The following PRAF2 variants were observed in gnomAD, a reference collection of about 807,000 sequenced individuals.
The protein encoded by PRAF2 is PRA1 family protein 2.
Under a neutral mutation model 9.7 loss-of-function variants are expected in PRAF2, and 5 were observed. The ratio of observed to expected loss-of-function variants is 0.51; its 90% CI spans 0.27 to 1.08. The LOEUF is 1.08. PRAF2 is among the 50% of genes least tolerant of loss of function. PRAF2 has a pLI of 0.12. For synonymous variants in PRAF2, 61 were observed against 76.6 expected, an observed-to-expected ratio of 0.80 and a Z score of 1.06; for missense variants, 135 against 160.7, an observed-to-expected ratio of 0.84 and a Z score of 0.86.
chrX:49,072,152 G>T, intron 2 of PRAF2, 144 bp from the exon 3 acceptor site: 2 of 823,403 alleles, frequency 2.4e-6, no homozygotes, highest in Non-Finnish European at 1.7e-6. Flanking sequence ...GCGTGGCCGA[G>T]TAATTGGCTT....
chrX:49,072,517 C>T lies in PRAF2; in HGVS notation c.313G>A (p.Ala105Thr). Residue 105 changes from alanine (A) to threonine (T), a missense_variant, in exon 2 of 3, where the codon GCA becomes ACA. Transcript: ENST00000553851. Reference sequence around the variant, plus strand: ...ACCAGGAGGCCGACGGCAAGCACTGCGGCCAGGCAGGCTGCAGGGTGGCTG... The same window carrying T: ...ACCAGGAGGCCGACGGCAAGCACTGTGGCCAGGCAGGCTGCAGGGTGGCTG... ...RRSHPAACLAAVLAVGLLVLW... is the reference protein window; with the variant it reads ...RRSHPAACLATVLAVGLLVLW... 1 of 1,184,178 alleles carries T rather than the reference C, an allele frequency of 8.4e-7. No individual in the cohort carries two copies. Among genetic ancestry groups the T allele is most frequent in the Non-Finnish European group, 1.1e-6 (1 of 881,800 alleles).
chrX:49,072,361 G>A, intron 2 of PRAF2, 72 bp downstream of exon 2: 1 of 1,113,612 alleles, frequency 9.0e-7, no homozygotes, highest in Non-Finnish European at 1.2e-6. Flanking sequence ...CCCGGGGACC[G>A]GCAGGGCTGG....
At position 49,071,813 on chromosome X, in the gene PRAF2, T is replaced by C. The variant is rs782649024; in HGVS notation, c.*56A>G. 2,585 of 1,142,402 alleles carry C rather than the reference T, an allele frequency of 2.3e-3. 3 individuals are homozygous for C. Among genetic ancestry groups the C allele is most frequent in the Middle Eastern group, 9.3e-3 (29 of 3,131 alleles). The allele number at this position is 1,142,402 out of a possible 1,213,427, so 94.1% of individuals were successfully genotyped here. ...GCTGGGAAAGGGCTCTGGGTCCCAA[T>C]TATGGGCTGGGGGTGGGGTGGTATT... On this transcript the variant is annotated 3_prime_UTR_variant, in exon 3 of 3. Coordinates refer to ENST00000553851, the MANE Select transcript of PRAF2 (RefSeq NM_007213.3).
rs1557083294 is a variant in PRAF2, at chrX:49,072,483, A to C, written c.347T>G (p.Val116Gly). ...VLAVGLLVLW[V>G]AGGACTFLFS... is the part of the protein sequence containing the mutation. ...CAGGAAGGTGCAAGCGCCGCCCGCGACCCAGAGCACCAGGAGGCCGACGGC... is the reference window on the plus strand; with the variant it reads ...CAGGAAGGTGCAAGCGCCGCCCGCGCCCCAGAGCACCAGGAGGCCGACGGC... The change falls in exon 2 of 3, where the codon GTC becomes GGC. Residue 116 changes from valine to glycine, a missense_variant. Coordinates refer to ENST00000553851, the MANE Select transcript of PRAF2 (RefSeq NM_007213.3). 23 of 1,194,141 alleles carry C rather than the reference A, an allele frequency of 1.9e-5. No individual in the cohort carries two copies. The highest frequency in any genetic ancestry group is 2.6e-5 in the Non-Finnish European group (23 of 887,348).
Position 49,071,376 on chromosome X carries a change from G to A in PRAF2, c.*493C>T, listed in dbSNP as rs1338487541. On this transcript the variant is annotated 3_prime_UTR_variant, in exon 3 of 3. Coordinates refer to ENST00000553851, the MANE Select transcript of PRAF2 (RefSeq NM_007213.3). The stretch of plus-strand genomic sequence containing the variant: ...CAGGGGTCCAACAGTCAGGATACCC[G>A]ACTCCATCCACACAGGGGCATGGAA... The A allele has an allele frequency of 8.9e-6, 1 of 112,132 alleles. No homozygotes were observed. Among genetic ancestry groups the A allele is most frequent in the Non-Finnish European group, 1.9e-5 (1 of 53,388 alleles). The allele number at this position is 112,132 out of a possible 1,213,427, so 9.2% of individuals were successfully genotyped here.
chrX:49,072,005 A>C lies in PRAF2; in HGVS notation c.401T>G (p.Ile134Ser), dbSNP rs1557083186. ...CAGGCGCAACGAGGCGTGCACCAGGATCACTGTGGGCGGCACCGAGAGGGG... is the reference window on the plus strand; with the variant it reads ...CAGGCGCAACGAGGCGTGCACCAGGCTCACTGTGGGCGGCACCGAGAGGGG... ...LFSIAGPVLL[I>S]LVHASLRLRN... The change falls in exon 3 of 3, where the codon ATC becomes AGC. Residue 134 changes from isoleucine (I) to serine (S), a missense_variant. Coordinates refer to ENST00000553851, the MANE Select transcript of PRAF2 (RefSeq NM_007213.3). The C allele has an allele frequency of 3.3e-6, 4 of 1,206,140 alleles. No homozygotes were observed. The highest frequency in any genetic ancestry group is 2.2e-5 in the Admixed American group (1 of 45,455).
chrX:49,071,966 T>G lies in PRAF2; in HGVS notation c.440A>C (p.Asn147Thr). Residue 147 changes from asparagine (N) to threonine (T), a missense_variant, in exon 3 of 3, where the codon AAC becomes ACC. Coordinates refer to ENST00000553851, the MANE Select transcript of PRAF2 (RefSeq NM_007213.3). ...HASLRLRNLK[N>T]KIENKIESIG... Reference sequence around the variant, plus strand: ...GCTCTCGATCTTGTTCTCAATCTTGTTCTTAAGGTTGCGCAGGCGCAACGA... The same window carrying G: ...GCTCTCGATCTTGTTCTCAATCTTGGTCTTAAGGTTGCGCAGGCGCAACGA... 1 of 1,210,306 alleles carries G rather than the reference T, an allele frequency of 8.3e-7. No individual in the cohort carries two copies. Among genetic ancestry groups the G allele is most frequent in the South Asian group, 1.8e-5 (1 of 56,894 alleles).
rs2065021310 is a variant in PRAF2, at chrX:49,073,993, C to G, written c.-6G>C. On this transcript the variant is annotated 5_prime_UTR_variant, in exon 1 of 3. Transcript: ENST00000553851. Reference sequence around the variant, plus strand: ...GGCAGCCGCACCTCCGACATCCTGCCGGTTAATGTGGCTGGACCAGCCAGG... The same window carrying G: ...GGCAGCCGCACCTCCGACATCCTGCGGGTTAATGTGGCTGGACCAGCCAGG... 4.2e-6 allele frequency: 5 copies of G among 1,194,541 alleles called. No homozygotes were observed. Among genetic ancestry groups the G allele is most frequent in the Non-Finnish European group, 5.6e-6 (5 of 887,824 alleles).
rs35035067 is a variant in PRAF2 at position 49,073,895 on chromosome X, C to T, written c.93G>A (p.Gln31=). The part of the protein sequence containing the change: ...RLAAPDPCDP[Q]RWCHRVINNL... ...TGTTGATGACGCGGTGGCACCATCGCTGCGGGTCGCATGGATCCGGAGCCG... is the reference window on the plus strand; with the variant it reads ...TGTTGATGACGCGGTGGCACCATCGTTGCGGGTCGCATGGATCCGGAGCCG... The change falls in exon 1 of 3, where the codon CAG becomes CAA. Residue 31 remains glutamine, a synonymous_variant. Coordinates refer to ENST00000553851, the MANE Select transcript of PRAF2 (RefSeq NM_007213.3). 1 of 1,212,337 alleles carries T rather than the reference C, an allele frequency of 8.2e-7. No individual in the cohort carries two copies. The highest frequency in any genetic ancestry group is 1.1e-6 in the Non-Finnish European group (1 of 895,583).
In PRAF2 at chrX:49,072,024, A is replaced by T. The variant is rs1323789403; in HGVS notation, c.398-16T>A. On this transcript the variant is annotated splice_polypyrimidine_tract_variant and intron_variant, in intron 2 of 2. Coordinates refer to ENST00000553851, the MANE Select transcript of PRAF2 (RefSeq NM_007213.3). ...ACCAGGATCACTGTGGGCGGCACCG[A>T]GAGGGGTGGTCAGTGGAATAGACCT... The T allele has an allele frequency of 8.3e-7, 1 of 1,198,503 alleles. No homozygotes were observed. The highest frequency in any genetic ancestry group is 1.1e-6 in the Non-Finnish European group (1 of 891,380).
Position 49,073,816 on chromosome X carries a change from G to C in PRAF2, c.172C>G (p.Leu58Val). Residue 58 changes from leucine to valine, a missense_variant, in exon 1 of 3, where the codon CTC becomes GTC. By Grantham distance (32) the Leu-to-Val change is conservative. Transcript: ENST00000553851. ...YLLCFGIGLALAGYVRPLHTL... is the reference protein window; with the variant it reads ...YLLCFGIGLAVAGYVRPLHTL... ...GGCGCCTCCCTCCCTCACCCGGCGAGAGCGAGGCCGATGCCGAAGCAGAGA... is the reference window on the plus strand; with the variant it reads ...GGCGCCTCCCTCCCTCACCCGGCGACAGCGAGGCCGATGCCGAAGCAGAGA... 1 of 1,211,914 alleles carries C rather than the reference G, an allele frequency of 8.3e-7. No homozygotes were observed. Among genetic ancestry groups the C allele is most frequent in the African/African-American group, 1.7e-5 (1 of 57,974 alleles).
chrX:49,071,528 G>T lies in PRAF2; in HGVS notation c.*341C>A. 6.8e-6 allele frequency: 1 copy of T among 146,346 alleles called. No individual in the cohort carries two copies. Among genetic ancestry groups the T allele is most frequent in the Non-Finnish European group, 1.3e-5 (1 of 75,529 alleles). The allele number at this position is 146,346 out of a possible 1,213,427, so 12.1% of individuals were successfully genotyped here. On this transcript the variant is annotated 3_prime_UTR_variant, in exon 3 of 3. Coordinates refer to ENST00000553851, the MANE Select transcript of PRAF2 (RefSeq NM_007213.3). ...GCCTTGCCCCAGGCCCCAGTTTGGG[G>T]ATGAGCATGGAGAAGGGTGGATGGG...
rs1350379352 is a variant in PRAF2 at position 49,071,664 on chromosome X, T to C, written c.*205A>G. The C allele has an allele frequency of 7.8e-6, 3 of 385,221 alleles. No homozygotes were observed. The Admixed American group carries it at 1.5e-4, about 20-fold the overall frequency. The allele number at this position is 385,221 out of a possible 1,213,427, so 31.7% of individuals were successfully genotyped here. On this transcript the variant is annotated 3_prime_UTR_variant, in exon 3 of 3. Coordinates refer to ENST00000553851, the MANE Select transcript of PRAF2 (RefSeq NM_007213.3). The stretch of plus-strand genomic sequence containing the variant: ...TCCTGGGTTCAAGGCTGGGGAAGAC[T>C]CTTGTCCCTAGGTAATGGGGGCTGG...
chrX:49,073,201 C>T (rs2065017672), intron 1 of PRAF2, among the ~76,000 whole-genome samples: 1 of 110,948 alleles, frequency 9.0e-6, no homozygotes, highest in African/African-American at 3.3e-5. Context: ...GTCCTTCCTC[C>T]AGATTCTCCA....
rs2065011600 is a variant in PRAF2 at position 49,071,747 on chromosome X, T to C, written c.*122A>G. On this transcript the variant is annotated 3_prime_UTR_variant, in exon 3 of 3. Transcript: ENST00000553851. ...GGGGGTAGGGCGGTCACAGATGTCCTGTTTTGTTTGGGCAGGGGGCTCTAG... is the reference window on the plus strand; with the variant it reads ...GGGGGTAGGGCGGTCACAGATGTCCCGTTTTGTTTGGGCAGGGGGCTCTAG... 3.5e-6 allele frequency: 3 copies of C among 856,905 alleles called. No homozygotes were observed. Among genetic ancestry groups the C allele is most frequent in the East Asian group, 7.2e-5 (2 of 27,618 alleles). 70.6% of individuals were successfully genotyped at this position (856,905 alleles called of 1,213,427 possible). A position where few individuals can be genotyped will look rare whatever the true frequency, so the allele number is the denominator to read the frequency against.
intron 2 of PRAF2, 191 bp from the exon 3 acceptor site, chrX:49,072,199 CG>C: frequency 1.6e-6 from 1 of 624,188 alleles, no homozygotes; most frequent in East Asian, 3.6e-5. Flanking sequence ...CGCCCGGTAA[CG>C]GGGACGTGGC....
At position 49,073,959 on chromosome X, in the gene PRAF2, C is replaced by A. The variant is rs782209675; in HGVS notation, c.29G>T (p.Arg10Leu). Residue 10 changes from arginine to leucine, a missense_variant, in exon 1 of 3, where the codon CGC (arginine) becomes CTC (leucine). Coordinates refer to ENST00000553851, the MANE Select transcript of PRAF2 (RefSeq NM_007213.3). MSEVRLPPLRALDDFVLGSA... is the reference protein window; with the variant it reads MSEVRLPPLLALDDFVLGSA... ...CCCCAGAACAAAGTCGTCCAGGGCG[C>A]GTAGCGGTGGCAGCCGCACCTCCGA... 8.3e-7 allele frequency: 1 copy of A among 1,205,387 alleles called. No homozygotes were observed. The highest frequency in any genetic ancestry group is 2.2e-5 in the Admixed American group (1 of 45,498).
At chrX:49,073,734 T>C in intron 1 of PRAF2, 75 bp downstream of exon 1, 1 of 1,142,465 alleles carries the variant, frequency 8.8e-7, no homozygotes. Context: ...TTCCCCGTCC[T>C]GGTCCTCAAA....
rs782731511 is a variant in PRAF2 at position 49,073,994 on chromosome X, G to A, written c.-7C>T. 1.4e-5 allele frequency: 17 copies of A among 1,191,638 alleles called. No homozygotes were observed. In the African/African-American group the frequency reaches 2.3e-4, roughly 16 times the overall value. ...GCAGCCGCACCTCCGACATCCTGCC[G>A]GTTAATGTGGCTGGACCAGCCAGGA... On this transcript the variant is annotated 5_prime_UTR_variant, in exon 1 of 3. Transcript: ENST00000553851.
Sources: allele counts gnomAD v4.1 joint callset (sites outside exome capture counted in the v4.1 genomes callset), GRCh38; gene constraint gnomAD v4.1.1; transcripts MANE v1.5; gene names NCBI Gene and HGNC (gene_info 2026-07-23, HGNC 2026-07-21).